The following CRIM1 variants were observed in gnomAD, a reference collection of about 807,000 sequenced individuals.
CRIM1 encodes cysteine-rich motor neuron 1 protein.
Under a neutral mutation model 116.4 loss-of-function variants are expected in CRIM1, and 32 were observed. The observed-to-expected ratio is 0.27, with a 90% CI of 0.21 to 0.37. The LOEUF (loss-of-function observed/expected upper bound fraction) is 0.37, where lower values mean the gene tolerates loss of function less well. Among genes scored for constraint, CRIM1 ranks in the 10% least tolerant of loss-of-function variants. CRIM1 has a pLI of 1.00. For synonymous variants in CRIM1, 590 were observed against 509.2 expected (o/e 1.16, Z -2.13); for missense variants, 1,331 against 1,354.8 (o/e 0.98, Z 0.28).
chr2:36,545,555 G>A (rs528897990), intron 15 of CRIM1, among the ~76,000 whole-genome samples: 6 of 152,082 alleles, frequency 3.9e-5, no homozygotes, highest in African/African-American at 1.4e-4. Context: ...GCTTCTCCTA[G>A]GCAACTGATT....
At chr2:36,537,616 C>T (rs143367017) in intron 14 of CRIM1, 70 bp downstream of exon 14, 3 of 1,438,536 alleles carry the variant, frequency 2.1e-6, no homozygotes, top group African/African-American at 2.8e-5. Flanking sequence ...AAGCAGAGCT[C>T]GACCTGCCCC....
intron 13 of CRIM1, chr2:36,529,262 C>T: frequency 8.5e-6 from 4 of 467,872 alleles, no homozygotes; most frequent in South Asian, 6.2e-5. Flanking sequence ...GCAGAGTCTT[C>T]TTAACAGGAC....
chr2:36,407,358 G>T (rs868140014), intron 2 of CRIM1, among the ~76,000 whole-genome samples: 16 of 152,172 alleles, frequency 1.1e-4, no homozygotes, highest in African/African-American at 3.6e-4. Context: ...GAAAGAAAGT[G>T]TAGACAAAGT....
intron 4 of CRIM1, among the ~76,000 whole-genome samples, chr2:36,453,312 T>C (rs2124975044): frequency 1.3e-5 from 2 of 152,362 alleles, no homozygotes; most frequent in South Asian, 4.1e-4. Context: ...AATTATTCTT[T>C]CCTGACTTTG....
At chr2:36,423,956 A>C in intron 2 of CRIM1, among the ~76,000 whole-genome samples, 1 of 152,204 alleles carries the variant, frequency 6.6e-6, no homozygotes, top group East Asian at 1.9e-4. Flanking sequence ...AGAACAAACT[A>C]GGCAGACAGG....
intron 2 of CRIM1, among the ~76,000 whole-genome samples, chr2:36,407,037 G>T (rs1302931665): frequency 6.6e-6 from 1 of 152,092 alleles, no homozygotes. Flanking sequence ...CCTTCTGCGT[G>T]GGTCAGGGAT....
intron 13 of CRIM1, among the ~76,000 whole-genome samples, chr2:36,523,130 T>G (rs551469178): frequency 9.1e-4 from 138 of 152,110 alleles, no homozygotes; most frequent in African/African-American, 3.3e-3. Flanking sequence ...AATTTTTGTA[T>G]TTTAGTAGAG....
chr2:36,545,141 C>T lies in CRIM1; in HGVS notation c.2746+643C>T, dbSNP rs183986273. The stretch of plus-strand genomic sequence containing the variant: ...GCTCTTAGCCGTGACTCAGTACTGC[C>T]TCCTGTGTCCTCCAACCATATTTTC... On this transcript the variant is annotated intron_variant, in intron 15 of 16. Transcript: ENST00000280527. Among the ~76,000 whole-genome samples the T allele has an allele frequency of 2.6e-3, 389 of 152,294 alleles. 4 individuals are homozygous for T. Among genetic ancestry groups the T allele is most frequent in the Middle Eastern group, 0.01 (3 of 294 alleles).
intron 2 of CRIM1, among the ~76,000 whole-genome samples, chr2:36,437,875 T>G (rs1186037647): frequency 6.6e-6 from 1 of 152,180 alleles, no homozygotes; most frequent in African/African-American, 2.4e-5. Context: ...GGCTCACTCC[T>G]GTAATCCCAG....
At chr2:36,505,300 T>C (rs1681313881) in intron 8 of CRIM1, among the ~76,000 whole-genome samples, 2 of 152,178 alleles carry the variant, frequency 1.3e-5, no homozygotes, top group South Asian at 4.1e-4. Context: ...AACTATGACT[T>C]TACGTGAAAT....
chr2:36,545,177 C>G (rs1251617512), intron 15 of CRIM1, among the ~76,000 whole-genome samples: 1 of 152,150 alleles, frequency 6.6e-6, no homozygotes, highest in Non-Finnish European at 1.5e-5. Flanking sequence ...CAAATCATTG[C>G]TATATAACTT....
chr2:36,535,254 G>A (rs1666463739), intron 13 of CRIM1, among the ~76,000 whole-genome samples: 1 of 151,552 alleles, frequency 6.6e-6, no homozygotes, highest in Non-Finnish European at 1.5e-5. Flanking sequence ...AAGGAGAGAG[G>A]GGAAAGGAAG....
At chr2:36,534,104 A>G (rs1572947913) in intron 13 of CRIM1, among the ~76,000 whole-genome samples, 1 of 120,524 alleles carries the variant, frequency 8.3e-6, no homozygotes, top group Non-Finnish European at 1.7e-5. Context: ...GGAAGGAAGG[A>G]GGGAGGGAAG....
intron 1 of CRIM1, among the ~76,000 whole-genome samples, chr2:36,366,091 AG>A (rs1220105702): frequency 1.3e-5 from 2 of 152,194 alleles, no homozygotes; most frequent in Non-Finnish European, 2.9e-5. Context: ...ATTTTTATCC[AG>A]TAAATATTGG....
intron 8 of CRIM1, among the ~76,000 whole-genome samples, chr2:36,502,104 G>T (rs1342269353): frequency 6.6e-6 from 1 of 152,034 alleles, no homozygotes; most frequent in African/African-American, 2.4e-5. Flanking sequence ...ATTTCATTGT[G>T]TCCAGTCACC....
At chr2:36,375,640 A>T (rs1670264498) in intron 1 of CRIM1, among the ~76,000 whole-genome samples, 1 of 152,258 alleles carries the variant, frequency 6.6e-6, no homozygotes, top group African/African-American at 2.4e-5. Flanking sequence ...AACATAGTCC[A>T]GAAAACCCTG....
chr2:36,384,722 GGA>G (rs1374351467), intron 1 of CRIM1, among the ~76,000 whole-genome samples: 1 of 152,028 alleles, frequency 6.6e-6, no homozygotes. Context: ...GCTTCTTTCT[GGA>G]GAGTTTTAAA....
In CRIM1 at chr2:36,544,369, C is replaced by T. The variant is rs190405533; in HGVS notation, c.2624-7C>T. On this transcript the variant is annotated splice_polypyrimidine_tract_variant and splice_region_variant and intron_variant, in intron 14 of 16. Coordinates refer to ENST00000280527, the MANE Select transcript of CRIM1 (RefSeq NM_016441.3). ...CATCTCTTAGGAAAAATGTTCCCTT[C>T]TTTTAGAAATGTATGTCCCAGAACC... 1 of 1,342,032 alleles carries T rather than the reference C, an allele frequency of 7.5e-7. No individual in the cohort carries two copies. The highest frequency in any genetic ancestry group is 9.6e-7 in the Non-Finnish European group (1 of 1,036,738). The allele number at this position is 1,342,032 out of a possible 1,614,324, so 83.1% of individuals were successfully genotyped here.
In CRIM1 at chr2:36,512,245, G is replaced by A. The variant is rs765240227; in HGVS notation, c.1659-28G>A. On this transcript the variant is annotated intron_variant, in intron 9 of 16. Transcript: ENST00000280527. ...ATCATTTGAGACTTTGTGATTTTCTGACCTCTGACAAAATTTTAATTACCC... is the reference window on the plus strand; with the variant it reads ...ATCATTTGAGACTTTGTGATTTTCTAACCTCTGACAAAATTTTAATTACCC... 4 of 1,605,940 alleles carry A rather than the reference G, an allele frequency of 2.5e-6. No individual in the cohort carries two copies. The Admixed American group carries it at 5.0e-5, about 20-fold the overall frequency.
Sources: gnomAD v4.1 joint callset for allele counts (sites outside exome capture counted in the v4.1 genomes callset) on GRCh38, gnomAD v4.1.1 for gene constraint, MANE v1.5 for transcripts, NCBI Gene and HGNC (gene_info 2026-07-23, HGNC 2026-07-21) for gene names.